Variants in NALF1 observed in about 807,000 individuals in gnomAD.
NALF1 encodes NALCN channel auxiliary factor 1, also known as family with sequence similarity 155 member A.
A neutral mutation model predicts 48.4 loss-of-function variants in NALF1; 3 were observed. That is an observed-to-expected ratio of 0.06 (90% CI 0.03 to 0.16). The LOEUF (loss-of-function observed/expected upper bound fraction) is 0.16. NALF1 is among the 10% of genes least tolerant of loss of function. The pLI is 1.00. For synonymous variants in NALF1, 262 were observed against 245.7 expected (o/e 1.07, Z -0.62); for missense variants, 526 against 571.5 (o/e 0.92, Z 0.81).
intron 1 of NALF1, among the ~76,000 whole-genome samples, chr13:107,797,039 C>A (rs1013849810): frequency 5.3e-5 from 8 of 152,178 alleles, no homozygotes; most frequent in Admixed American, 5.2e-4. Flanking sequence ...TGCTCATGAA[C>A]CCCATGTTTG....
At chr13:107,606,751 GGC>G (rs1490502872) in intron 1 of NALF1, among the ~76,000 whole-genome samples, 3 of 152,070 alleles carry the variant, frequency 2.0e-5, no homozygotes, top group Admixed American at 1.3e-4. Flanking sequence ...ATGCAAAATT[GGC>G]TTTCAAGCTG....
chr13:107,436,134 C>A (rs1364994957), intron 1 of NALF1, among the ~76,000 whole-genome samples: 1 of 152,212 alleles, frequency 6.6e-6, no homozygotes, highest in Non-Finnish European at 1.5e-5. Context: ...TAATATATTT[C>A]TTCTGTAAGT....
intron 1 of NALF1, among the ~76,000 whole-genome samples, chr13:107,564,226 T>C (rs1877724454): frequency 6.6e-6 from 1 of 152,228 alleles, no homozygotes. Flanking sequence ...AACTGATCAA[T>C]TTCAAGGACT....
chr13:107,639,885 A>T (rs1308853178), intron 1 of NALF1, among the ~76,000 whole-genome samples: 2 of 152,160 alleles, frequency 1.3e-5, no homozygotes, highest in Non-Finnish European at 1.5e-5. Flanking sequence ...TATTCCTAAT[A>T]CCTGAGAAAG....
chr13:107,657,721 A>G (rs1025617400), intron 1 of NALF1, among the ~76,000 whole-genome samples: 1 of 152,152 alleles, frequency 6.6e-6, no homozygotes, highest in African/African-American at 2.4e-5. Flanking sequence ...TCCATCTAAG[A>G]AGGGCTACTG....
At chr13:107,204,627 C>A (rs1254021965) in intron 2 of NALF1, among the ~76,000 whole-genome samples, 1 of 152,132 alleles carries the variant, frequency 6.6e-6, no homozygotes, top group Admixed American at 6.5e-5. Context: ...CTGAAATAAA[C>A]CTCAAAAAGT....
chr13:107,590,973 A>G (rs1878587349), intron 1 of NALF1, among the ~76,000 whole-genome samples: 1 of 152,034 alleles, frequency 6.6e-6, no homozygotes, highest in Non-Finnish European at 1.5e-5. Context: ...GTTTGTAAGC[A>G]TTCTATTAGA....
At chr13:107,804,017 T>C (rs573845876) in intron 1 of NALF1, among the ~76,000 whole-genome samples, 2 of 152,294 alleles carry the variant, frequency 1.3e-5, no homozygotes, top group South Asian at 2.1e-4. Flanking sequence ...TCACAGTCAA[T>C]TGCCACATCC....
intron 1 of NALF1, among the ~76,000 whole-genome samples, chr13:107,374,593 C>T (rs1883304115): frequency 6.6e-6 from 1 of 152,100 alleles, no homozygotes; most frequent in African/African-American, 2.4e-5. Flanking sequence ...AAGACTTACC[C>T]TTGTCTTTTG....
intron 1 of NALF1, among the ~76,000 whole-genome samples, chr13:107,358,116 A>G (rs760412335): frequency 2.6e-5 from 4 of 152,178 alleles, no homozygotes; most frequent in Non-Finnish European, 5.9e-5. Context: ...GGATATATAT[A>G]TGTATACACA....
At chr13:107,197,357 AT>A (rs1208592143) in intron 2 of NALF1, among the ~76,000 whole-genome samples, 3 of 152,286 alleles carry the variant, frequency 2.0e-5, no homozygotes, top group Admixed American at 6.5e-5. Flanking sequence ...CAATTTATTT[AT>A]TTTTTAAAAA....
At chr13:107,757,283 T>TG (rs1394811274) in intron 1 of NALF1, among the ~76,000 whole-genome samples, 4 of 152,144 alleles carry the variant, frequency 2.6e-5, no homozygotes, top group African/African-American at 9.7e-5. Flanking sequence ...TAAATGTTAC[T>TG]GGGGTGGGAC....
intron 1 of NALF1, among the ~76,000 whole-genome samples, chr13:107,271,812 A>ATT (rs1566470781): frequency 0.014 from 778 of 57,094 alleles, 20 homozygotes; most frequent in Admixed American, 0.066. Context: ...ATATATATAT[A>ATT]TATATTTATA....
At chr13:107,346,405 A>G (rs1411581082) in intron 1 of NALF1, among the ~76,000 whole-genome samples, 2 of 152,240 alleles carry the variant, frequency 1.3e-5, no homozygotes, top group Non-Finnish European at 2.9e-5. Context: ...AATGAAGAAA[A>G]TATGGTGTAT....
chr13:107,756,435 C>CTATATATATATATATATATATATATA (rs148971349), intron 1 of NALF1, among the ~76,000 whole-genome samples: 17 of 141,068 alleles, frequency 1.2e-4, no homozygotes, highest in East Asian at 6.4e-4. Flanking sequence ...AGTTTAATGG[C>CTATATATATATATATATATATATATA]TATATATATA....
intron 1 of NALF1, among the ~76,000 whole-genome samples, chr13:107,649,855 C>T (rs9301248): frequency 0.68 from 103,140 of 152,002 alleles, 35,766 homozygotes; most frequent in East Asian, 1. Context: ...AAAAAGGTGA[C>T]CCTAACTAAG....
At chr13:107,688,824 G>C (rs976076233) in intron 1 of NALF1, among the ~76,000 whole-genome samples, 1 of 152,284 alleles carries the variant, frequency 6.6e-6, no homozygotes, top group Admixed American at 6.5e-5. Context: ...ATAGAGGTCA[G>C]AGGCAGAGGT....
At chr13:107,461,784 A>G (rs916885759) in intron 1 of NALF1, among the ~76,000 whole-genome samples, 3 of 152,328 alleles carry the variant, frequency 2.0e-5, no homozygotes, top group African/African-American at 7.2e-5. Flanking sequence ...AATAATACAA[A>G]GTCATTGTGG....
chr13:107,372,148 G>A (rs372281325), intron 1 of NALF1, among the ~76,000 whole-genome samples: 8 of 152,208 alleles, frequency 5.3e-5, no homozygotes, highest in African/African-American at 7.2e-5. Flanking sequence ...AAATCATTAC[G>A]AGATGAACTA....
Sources: allele counts gnomAD v4.1 joint callset (sites outside exome capture counted in the v4.1 genomes callset), GRCh38; gene constraint gnomAD v4.1.1; transcripts MANE v1.5; gene names NCBI Gene and HGNC (gene_info 2026-07-23, HGNC 2026-07-21).